The following FRAS1 variants were observed in gnomAD, a reference collection of about 807,000 sequenced individuals.
FRAS1 encodes extracellular matrix organizing protein FRAS1.
FRAS1 carries 290 observed loss-of-function variants against 435.2 expected under a neutral mutation model. The observed-to-expected ratio is 0.67, with a 90% confidence interval of 0.61 to 0.73. The LOEUF (loss-of-function observed/expected upper bound fraction) is 0.73, where lower values mean the gene tolerates loss of function less well. Among genes scored for constraint, FRAS1 ranks in the 30% least tolerant of loss-of-function variants. The pLI, the probability that FRAS1 is intolerant of heterozygous loss-of-function variation, is 0.00. For synonymous variants in FRAS1, 1,800 were observed against 1,851.0 expected (o/e 0.97, Z 0.71); for missense variants, 4,860 against 5,001.5 (o/e 0.97, Z 0.85).
At chr4:78,389,207 A>G (rs138812581) in intron 29 of FRAS1, among the ~76,000 whole-genome samples, 45 of 152,354 alleles carry the variant, frequency 3.0e-4, no homozygotes, top group African/African-American at 1.1e-3. Context: ...CAGTTGCATC[A>G]AGAATGGCTC....
At chr4:78,410,283 A>G (rs1733280988) in intron 31 of FRAS1, among the ~76,000 whole-genome samples, 1 of 152,168 alleles carries the variant, frequency 6.6e-6, no homozygotes. Context: ...TAAGGCAAAT[A>G]AAGATTTAAA....
intron 2 of FRAS1, among the ~76,000 whole-genome samples, chr4:78,165,853 C>T (rs574619723): frequency 6.6e-6 from 1 of 152,192 alleles, no homozygotes; most frequent in South Asian, 2.1e-4. Context: ...CACATGTATC[C>T]CCAAAGAGTG....
chr4:78,519,576 C>T, intron 67 of FRAS1, 95 bp downstream of exon 67: 1 of 1,402,958 alleles, frequency 7.1e-7, no homozygotes, highest in Admixed American at 2.2e-5. Flanking sequence ...AGCTGCATTT[C>T]TCATCCTGTT....
intron 69 of FRAS1, among the ~76,000 whole-genome samples, chr4:78,525,907 T>A (rs1299616024): frequency 6.6e-6 from 1 of 152,156 alleles, no homozygotes; most frequent in African/African-American, 2.4e-5. Flanking sequence ...CCGTGAGTGG[T>A]CTCTAATGAG....
At chr4:78,068,390 G>A (rs1024953873) in intron 2 of FRAS1, among the ~76,000 whole-genome samples, 2 of 152,190 alleles carry the variant, frequency 1.3e-5, no homozygotes, top group Admixed American at 1.3e-4. Context: ...GGATACCCAA[G>A]GGGAGAGAAT....
At chr4:78,058,949 C>G (rs554137608) in intron 1 of FRAS1, among the ~76,000 whole-genome samples, 1 of 152,374 alleles carries the variant, frequency 6.6e-6, no homozygotes, top group South Asian at 2.1e-4. Flanking sequence ...AGGGAAGTCG[C>G]CCCGCCAGTG....
intron 70 of FRAS1, among the ~76,000 whole-genome samples, chr4:78,532,884 A>G (rs1422470498): frequency 2.0e-5 from 3 of 152,278 alleles, no homozygotes; most frequent in East Asian, 1.9e-4. Context: ...TGATTAATCC[A>G]TTGATGGACA....
Position 78,483,799 on chromosome 4 carries a change from A to ATATATATATATATATATATATATATAT in FRAS1, c.8752+1264_8752+1265insTATATATATATATATATATATATATAT, listed in dbSNP as rs1560753038. ...CTCTCTCTCTATATATATATATATA[A>ATATATATATATATATATATATATATAT]AATTATGTATGTGTGATACACACAC... On this transcript the variant is annotated intron_variant, in intron 58 of 73. Transcript: ENST00000512123. Among the ~76,000 whole-genome samples the ATATATATATATATATATATATATATAT allele has an allele frequency of 3.1e-4, 21 of 67,446 alleles. 1 individual carries two copies. The highest frequency in any genetic ancestry group is 8.9e-4 in the Admixed American group (5 of 5,626). 44.2% of individuals were successfully genotyped at this position (67,446 alleles called of 152,430 possible).
In FRAS1 at chr4:78,282,913, G is replaced by A; in HGVS notation, c.1201G>A (p.Val401Met). 1.2e-6 allele frequency: 2 copies of A among 1,611,548 alleles called. No individual in the cohort carries two copies. The highest frequency in any genetic ancestry group is 1.7e-6 in the Non-Finnish European group (2 of 1,179,050). ...CYEPSCPPCP[V>M]GTLALEVKGQ... Reference sequence around the variant, plus strand: ...CGAGCCCTCTTGCCCACCATGTCCAGTGGGCACACTGGCCTTAGAGGTGAA... The same window carrying A: ...CGAGCCCTCTTGCCCACCATGTCCAATGGGCACACTGGCCTTAGAGGTGAA... Residue 401 changes from valine to methionine, a missense_variant, in exon 12 of 74, where the codon GTG becomes ATG. Physicochemically the swap from Val to Met is conservative, Grantham distance 21. Transcript: ENST00000512123.
chr4:78,510,009 A>G (rs1720980655), intron 63 of FRAS1, among the ~76,000 whole-genome samples: 1 of 152,236 alleles, frequency 6.6e-6, no homozygotes, highest in Non-Finnish European at 1.5e-5. Flanking sequence ...TGGATAATGC[A>G]GGGTCGTTCA....
chr4:78,316,832 G>GGAGA (rs2110234104), intron 16 of FRAS1, among the ~76,000 whole-genome samples: 1 of 152,290 alleles, frequency 6.6e-6, no homozygotes, highest in East Asian at 1.9e-4. Flanking sequence ...AACTAGGCCA[G>GGAGA]GAGAGACCCA....
At chr4:78,421,725 C>A in intron 33 of FRAS1, 138 bp from the exon 34 acceptor site, 1 of 965,574 alleles carries the variant, frequency 1.0e-6, no homozygotes, top group Non-Finnish European at 1.6e-6. Context: ...GAGTGGCATA[C>A]CAAGAGCAAC....
Position 78,541,109 on chromosome 4 carries a change from T to C in FRAS1, c.12024T>C (p.Asp4008=). The change falls in exon 74 of 74, where the codon GAT becomes GAC. Residue 4008 remains aspartate, a synonymous_variant. Coordinates refer to ENST00000512123, the MANE Select transcript of FRAS1 (RefSeq NM_025074.7). ...LEVRVHNNLQ[D]GTEV ...TCAGAGTTCACAACAATTTACAAGATGGAACAGAAGTTTAATGGAGGAGAC... is the reference window on the plus strand; with the variant it reads ...TCAGAGTTCACAACAATTTACAAGACGGAACAGAAGTTTAATGGAGGAGAC... 1 of 1,386,060 alleles carries C rather than the reference T, an allele frequency of 7.2e-7. No individual in the cohort carries two copies. The allele number at this position is 1,386,060 out of a possible 1,614,324, so 85.9% of individuals were successfully genotyped here.
intron 2 of FRAS1, among the ~76,000 whole-genome samples, chr4:78,141,925 G>T (rs1395614281): frequency 6.6e-6 from 1 of 152,128 alleles, no homozygotes. Flanking sequence ...GTACGTGGGA[G>T]CTAAGCTATG....
intron 30 of FRAS1, among the ~76,000 whole-genome samples, chr4:78,404,193 T>A (rs1733012429): frequency 6.6e-6 from 1 of 152,142 alleles, no homozygotes; most frequent in South Asian, 2.1e-4. Context: ...ATATGAATGA[T>A]CTCAATCTCA....
chr4:78,109,473 A>G (rs1019571757), intron 2 of FRAS1, among the ~76,000 whole-genome samples: 1 of 151,904 alleles, frequency 6.6e-6, no homozygotes, highest in South Asian at 2.1e-4. Context: ...GTAATCTAGC[A>G]TATAAACAGA....
At chr4:78,477,497 C>CT (rs1719885218) in intron 54 of FRAS1, among the ~76,000 whole-genome samples, 1 of 152,194 alleles carries the variant, frequency 6.6e-6, no homozygotes, top group African/African-American at 2.4e-5. Flanking sequence ...CAAATGATGA[C>CT]TGTTGCTGCC....
intron 32 of FRAS1, among the ~76,000 whole-genome samples, chr4:78,415,868 TG>T (rs1191822191): frequency 6.6e-6 from 1 of 151,814 alleles, no homozygotes; most frequent in African/African-American, 2.4e-5. Context: ...ACATCCTAGA[TG>T]GGGGCCAGTC....
chr4:78,470,163 T>C (rs1236895582), intron 51 of FRAS1, 72 bp downstream of exon 51: 6 of 954,472 alleles, frequency 6.3e-6, no homozygotes, highest in East Asian at 2.6e-5. Flanking sequence ...CAATGACTTA[T>C]GAATAGAAGT....
Sources: allele counts gnomAD v4.1 joint callset (sites outside exome capture counted in the v4.1 genomes callset), GRCh38; gene constraint gnomAD v4.1.1; transcripts MANE v1.5; gene names NCBI Gene and HGNC (gene_info 2026-07-23, HGNC 2026-07-21).